The following ADK variants were observed in gnomAD, a reference collection of about 807,000 sequenced individuals.
ADK encodes the protein N6,N6-dimethyladenosine kinase.
A neutral mutation model predicts 44.7 loss-of-function variants in ADK; 24 were observed. That is an observed-to-expected ratio of 0.54 (90% CI 0.39 to 0.76). ADK has a LOEUF of 0.76. ADK is among the 30% of genes least tolerant of loss of function. ADK has a pLI of 0.00. For missense variants in ADK, 321 were observed against 425.1 expected (o/e 0.76, Z 2.15); for synonymous variants, 128 against 142.6 (o/e 0.90, Z 0.73).
intron 10 of ADK, among the ~76,000 whole-genome samples, chr10:74,686,022 C>T (rs1855773060): frequency 6.6e-6 from 1 of 151,992 alleles, no homozygotes; most frequent in Non-Finnish European, 1.5e-5. Context: ...AGTGCAGTGG[C>T]GCAATCCCGA....
intron 1 of ADK, among the ~76,000 whole-genome samples, chr10:74,161,038 T>A (rs1299010561): frequency 6.6e-6 from 1 of 152,230 alleles, no homozygotes; most frequent in Non-Finnish European, 1.5e-5. Flanking sequence ...CTCCTTTGAC[T>A]GTTTGTACTT....
chr10:74,570,025 T>C (rs7903760), intron 7 of ADK, among the ~76,000 whole-genome samples: 52,219 of 151,558 alleles, frequency 0.34, 12,568 homozygotes, highest in East Asian at 0.65. Context: ...ATTTATTAAA[T>C]AGGGAATCCT....
chr10:74,186,469 A>G (rs1842770617), intron 1 of ADK, among the ~76,000 whole-genome samples: 1 of 144,552 alleles, frequency 6.9e-6, no homozygotes. Context: ...TTTTGTAACA[A>G]TGCCGGGGGA....
chr10:74,702,660 A>G (rs1414088154), intron 10 of ADK, among the ~76,000 whole-genome samples: 1 of 148,812 alleles, frequency 6.7e-6, no homozygotes, highest in Non-Finnish European at 1.5e-5. Flanking sequence ...GTGCAGTGAC[A>G]TGATCTCGGC....
At chr10:74,707,584 GAA>G (rs1238321757) in intron 10 of ADK, among the ~76,000 whole-genome samples, 2 of 151,850 alleles carry the variant, frequency 1.3e-5, no homozygotes, top group African/African-American at 4.8e-5. Context: ...CCAACATGGT[GAA>G]ACCCCATCTC....
chr10:74,539,471 G>A (rs1005089391), intron 7 of ADK, among the ~76,000 whole-genome samples: 2 of 152,156 alleles, frequency 1.3e-5, no homozygotes, highest in African/African-American at 2.4e-5. Context: ...AAATGGGGCT[G>A]TATCTAAAAA....
intron 2 of ADK, among the ~76,000 whole-genome samples, chr10:74,218,625 C>T (rs1195944519): frequency 1.8e-4 from 27 of 152,098 alleles, no homozygotes; most frequent in Admixed American, 7.2e-4. Flanking sequence ...AGAGAAAGGT[C>T]GGGTTACCCA....
intron 3 of ADK, among the ~76,000 whole-genome samples, chr10:74,301,154 T>C (rs142547956): frequency 6.6e-6 from 1 of 152,304 alleles, no homozygotes; most frequent in East Asian, 1.9e-4. Flanking sequence ...ACATTCAAAG[T>C]TGAAATATGT....
chr10:74,181,663 G>A (rs951709090), intron 1 of ADK, among the ~76,000 whole-genome samples: 4 of 152,158 alleles, frequency 2.6e-5, no homozygotes, highest in Admixed American at 1.3e-4. Flanking sequence ...AAAGTGAAAT[G>A]TCCTACTTAG....
At position 74,187,358 on chromosome 10, in the gene ADK, A is replaced by G. The variant is rs1298989221; in HGVS notation, c.66-13406A>G. On this transcript the variant is annotated intron_variant, in intron 1 of 10. Coordinates refer to ENST00000539909, the MANE Select transcript of ADK (RefSeq NM_006721.4). The stretch of plus-strand genomic sequence containing the variant: ...TTGGGCTATTATGAACAATGGTGCT[A>G]TAAACATTTATGTACAAGTTTTTAT... Among the ~76,000 whole-genome samples, 3 of 152,312 alleles carry G rather than the reference A, an allele frequency of 2.0e-5. No individual in the cohort carries two copies. The East Asian group carries it at 5.8e-4, about 29-fold the overall frequency.
rs184673545 is a variant in ADK at position 74,363,206 on chromosome 10, G to A, written c.274-30935G>A. Among the ~76,000 whole-genome samples, 7 of 152,224 alleles carry A rather than the reference G, an allele frequency of 4.6e-5. No homozygotes were observed. The East Asian group carries it at 1.4e-3, about 29-fold the overall frequency. Reference sequence around the variant, plus strand: ...CTGTCACATGGATCCAGTTGGGCGTGTGTCTCCCAGCAAGTCCCTCCATAG... The same window carrying A: ...CTGTCACATGGATCCAGTTGGGCGTATGTCTCCCAGCAAGTCCCTCCATAG... On this transcript the variant is annotated intron_variant, in intron 4 of 10. Transcript: ENST00000539909.
At chr10:74,284,849 A>G (rs957226973) in intron 3 of ADK, among the ~76,000 whole-genome samples, 1 of 152,230 alleles carries the variant, frequency 6.6e-6, no homozygotes, top group African/African-American at 2.4e-5. Flanking sequence ...TTACAATGCT[A>G]TAGGAGTCAT....
intron 6 of ADK, among the ~76,000 whole-genome samples, chr10:74,427,330 C>T (rs747406365): frequency 1.1e-4 from 16 of 152,092 alleles, no homozygotes; most frequent in Non-Finnish European, 1.6e-4. Flanking sequence ...TCCCGAGTAG[C>T]TGGGACTATA....
At position 74,625,260 on chromosome 10, in the gene ADK, C is replaced by T. The variant is rs189239110; in HGVS notation, c.877+24767C>T. On this transcript the variant is annotated intron_variant, in intron 9 of 10. Coordinates refer to ENST00000539909, the MANE Select transcript of ADK (RefSeq NM_006721.4). ...TGTATGAACTAGGCCTTGAGGAATC[C>T]TTACAATTTTGGCAAGTTGAGATTA... is the stretch of plus-strand genomic sequence containing the variant. 6.4e-3 allele frequency among the ~76,000 whole-genome samples: 974 copies of T among 152,130 alleles called. 12 individuals carry two copies. The highest frequency in any genetic ancestry group is 0.022 in the African/African-American group (927 of 41,514).
At chr10:74,210,037 T>C (rs1430012077) in intron 2 of ADK, among the ~76,000 whole-genome samples, 2 of 151,840 alleles carry the variant, frequency 1.3e-5, no homozygotes, top group Admixed American at 1.3e-4. Flanking sequence ...GAAATGAAAA[T>C]ACTCAGTTTT....
At chr10:74,290,366 T>C (rs1453149672) in intron 3 of ADK, among the ~76,000 whole-genome samples, 1 of 152,198 alleles carries the variant, frequency 6.6e-6, no homozygotes, top group Non-Finnish European at 1.5e-5. Flanking sequence ...TATTTTAATT[T>C]TGTATGCAAA....
chr10:74,289,389 G>A (rs1564634911), intron 3 of ADK, among the ~76,000 whole-genome samples: 1 of 152,210 alleles, frequency 6.6e-6, no homozygotes, highest in East Asian at 1.9e-4. Context: ...TTTAAACGCA[G>A]TAGGTACTCT....
At chr10:74,388,657 T>A (rs1843231125) in intron 4 of ADK, among the ~76,000 whole-genome samples, 1 of 152,202 alleles carries the variant, frequency 6.6e-6, no homozygotes, top group South Asian at 2.1e-4. Flanking sequence ...TTTCAACTCT[T>A]CTTTGAAAAT....
intron 4 of ADK, among the ~76,000 whole-genome samples, chr10:74,333,962 A>G (rs1375885373): frequency 1.3e-5 from 2 of 152,020 alleles, no homozygotes; most frequent in East Asian, 3.8e-4. Context: ...AAATAAATTT[A>G]TTTTTCAAAA....
Sources: gnomAD v4.1 joint callset for allele counts (sites outside exome capture counted in the v4.1 genomes callset) on GRCh38, gnomAD v4.1.1 for gene constraint, MANE v1.5 for transcripts, NCBI Gene and HGNC (gene_info 2026-07-23, HGNC 2026-07-21) for gene names.